RALGPS1: variants seen among roughly 807,000 people sequenced by gnomAD.
RALGPS1 encodes the protein Ral GEF with PH domain and SH3 binding motif 1.
Under a neutral mutation model 78.8 loss-of-function variants are expected in RALGPS1, and 19 were observed. That is an observed-to-expected ratio of 0.24 (90% confidence interval 0.17 to 0.35). RALGPS1 has a LOEUF of 0.35. Ranked by LOEUF, RALGPS1 falls within the 10% of genes least tolerant of loss-of-function variation. RALGPS1 has a pLI of 1.00. For missense variants in RALGPS1, 454 were observed against 688.3 expected, an observed-to-expected ratio of 0.66 and a Z score of 3.81; for synonymous variants, 228 against 256.3, an observed-to-expected ratio of 0.89 and a Z score of 1.06.
chr9:127,097,891 T>C (rs992846444), intron 8 of RALGPS1, among the ~76,000 whole-genome samples: 23 of 152,164 alleles, frequency 1.5e-4, no homozygotes, highest in African/African-American at 5.3e-4. Flanking sequence ...AGTGTCCTCA[T>C]TGAGCCTCAA....
At chr9:127,152,478 C>T (rs1261757666) in intron 8 of RALGPS1, among the ~76,000 whole-genome samples, 1 of 152,162 alleles carries the variant, frequency 6.6e-6, no homozygotes, top group African/African-American at 2.4e-5. Context: ...CATTCTAGAA[C>T]CCCTCCGATC....
intron 11 of RALGPS1, among the ~76,000 whole-genome samples, chr9:127,192,966 G>A (rs1051829309): frequency 6.6e-6 from 1 of 152,216 alleles, no homozygotes; most frequent in Non-Finnish European, 1.5e-5. Flanking sequence ...GCAAGAAGGA[G>A]GTCAGTGGAT....
intron 14 of RALGPS1, among the ~76,000 whole-genome samples, chr9:127,200,540 G>A (rs1021229410): frequency 1.3e-5 from 2 of 152,234 alleles, no homozygotes; most frequent in African/African-American, 4.8e-5. Context: ...GCCAGATACG[G>A]GGACTGTCCC....
intron 4 of RALGPS1, among the ~76,000 whole-genome samples, chr9:127,018,469 A>T (rs1036966812): frequency 2.0e-5 from 3 of 151,930 alleles, no homozygotes; most frequent in Non-Finnish European, 4.4e-5. Flanking sequence ...CTCCGTCTCT[A>T]CTAAAAATGC....
chr9:127,073,252 C>G (rs1188035427), intron 8 of RALGPS1, among the ~76,000 whole-genome samples: 1 of 152,190 alleles, frequency 6.6e-6, no homozygotes, highest in East Asian at 1.9e-4. Context: ...CACACACTTC[C>G]CAGCCTCTGG....
intron 8 of RALGPS1, among the ~76,000 whole-genome samples, chr9:127,155,538 AGT>A (rs1364428631): frequency 1.3e-5 from 2 of 152,186 alleles, no homozygotes; most frequent in African/African-American, 4.8e-5. Flanking sequence ...CTGGAAAGGT[AGT>A]GTGGGGCAGA....
intron 8 of RALGPS1, chr9:127,108,882 A>G (rs1392766456): frequency 6.0e-6 from 5 of 839,136 alleles, no homozygotes; most frequent in Non-Finnish European, 8.9e-6. Flanking sequence ...AGAGCTTTCC[A>G]AAAACTCTGC....
chr9:127,100,434 C>T (rs182225071), intron 8 of RALGPS1, among the ~76,000 whole-genome samples: 41 of 152,296 alleles, frequency 2.7e-4, no homozygotes, highest in Middle Eastern at 3.4e-3. Flanking sequence ...CAAAGCATTG[C>T]GTCGCTCTTA....
intron 5 of RALGPS1, among the ~76,000 whole-genome samples, chr9:127,035,906 A>T (rs961685346): frequency 4.1e-5 from 6 of 146,230 alleles, no homozygotes; most frequent in South Asian, 2.2e-4. Flanking sequence ...GTCTTTAATT[A>T]AAAAAAAAAA....
chr9:127,154,587 T>C (rs1329583234), intron 8 of RALGPS1, among the ~76,000 whole-genome samples: 1 of 152,234 alleles, frequency 6.6e-6, no homozygotes, highest in Non-Finnish European at 1.5e-5. Flanking sequence ...GCTAACCCTC[T>C]GAAAATCTGT....
intron 8 of RALGPS1, among the ~76,000 whole-genome samples, chr9:127,158,708 T>G (rs1327496881): frequency 6.6e-6 from 1 of 152,136 alleles, no homozygotes; most frequent in Non-Finnish European, 1.5e-5. Context: ...AATGAATACT[T>G]AGTTCACTTT....
chr9:127,108,676 G>A (rs1373832549), intron 8 of RALGPS1: 1 of 1,613,322 alleles, frequency 6.2e-7, no homozygotes, highest in Non-Finnish European at 8.5e-7. Context: ...GCCTGCAACA[G>A]CTCCCATGGC....
At chr9:126,954,221 C>T (rs1358069349) in intron 1 of RALGPS1, among the ~76,000 whole-genome samples, 1 of 152,150 alleles carries the variant, frequency 6.6e-6, no homozygotes, top group Non-Finnish European at 1.5e-5. Flanking sequence ...AGGCCCCCAT[C>T]TACTCATTCA....
intron 11 of RALGPS1, among the ~76,000 whole-genome samples, chr9:127,188,996 TCA>T (rs1491498000): frequency 1.8e-3 from 62 of 34,364 alleles, no homozygotes; most frequent in Non-Finnish European, 2.7e-3. Context: ...CAAGACTGTC[TCA>T]AAAAAAAAAA....
chr9:127,149,109 G>A (rs543335602), intron 8 of RALGPS1, among the ~76,000 whole-genome samples: 1 of 152,192 alleles, frequency 6.6e-6, no homozygotes, highest in Non-Finnish European at 1.5e-5. Context: ...CTGTCCTGAA[G>A]CCACAAGTCA....
rs1438047441 is a variant in RALGPS1 at position 127,222,714 on chromosome 9, G to A, written c.*3945G>A. 6.6e-6 allele frequency: 1 copy of A among 152,610 alleles called. No individual in the cohort carries two copies. The highest frequency in any genetic ancestry group is 1.5e-5 in the Non-Finnish European group (1 of 68,038). The allele number at this position is 152,610 out of a possible 1,614,324, so 9.5% of individuals were successfully genotyped here. A position where few individuals can be genotyped will look rare whatever the true frequency, so the allele number is the denominator to read the frequency against. On this transcript the variant is annotated 3_prime_UTR_variant, in exon 19 of 19. Transcript: ENST00000259351. ...GTGACTATTCAGTAACGAAGTAATA[G>A]TAATTAATTAGTATGGTATAATCTT...
At chr9:127,047,401 T>C (rs2047896553) in intron 5 of RALGPS1, among the ~76,000 whole-genome samples, 1 of 152,010 alleles carries the variant, frequency 6.6e-6, no homozygotes, top group African/African-American at 2.4e-5. Flanking sequence ...ATGTTCTATA[T>C]AGAGAAAAAA....
chr9:127,045,768 C>T (rs201998237), intron 5 of RALGPS1, among the ~76,000 whole-genome samples: 39 of 54,418 alleles, frequency 7.2e-4, no homozygotes, highest in Non-Finnish European at 9.6e-4. Flanking sequence ...CACATACACA[C>T]ACACACACAC....
intron 8 of RALGPS1, among the ~76,000 whole-genome samples, chr9:127,128,988 A>AG (rs1253727302): frequency 1.3e-5 from 2 of 152,192 alleles, no homozygotes; most frequent in African/African-American, 4.8e-5. Flanking sequence ...CTCACTTGCC[A>AG]GGGGACCGTG....
Sources: gnomAD v4.1 joint callset for allele counts (sites outside exome capture counted in the v4.1 genomes callset) on GRCh38, gnomAD v4.1.1 for gene constraint, MANE v1.5 for transcripts, NCBI Gene and HGNC (gene_info 2026-07-23, HGNC 2026-07-21) for gene names.